KCNV1: variants seen among roughly 807,000 people sequenced by gnomAD.
The protein encoded by KCNV1 is potassium voltage-gated channel subfamily V member 1.
Under a neutral mutation model 36.4 loss-of-function variants are expected in KCNV1, and 2 were observed. The ratio of observed to expected loss-of-function variants is 0.05; its 90% CI spans 0.02 to 0.17. KCNV1 has a LOEUF of 0.17. KCNV1 is among the 10% of genes least tolerant of loss of function. The probability of loss-of-function intolerance (pLI) is 1.00; values close to 1 mark genes in which losing one functional copy is unlikely to be tolerated. For synonymous variants in KCNV1, 280 were observed against 261.1 expected, an observed-to-expected ratio of 1.07 and a Z score of -0.70; for missense variants, 321 against 643.6, an observed-to-expected ratio of 0.50 and a Z score of 5.42.
chr8:109,974,050 G>T lies in KCNV1; in HGVS notation c.339C>A (p.Val113=). 1 of 1,613,382 alleles carries T rather than the reference G, an allele frequency of 6.2e-7. No individual in the cohort carries two copies. The highest frequency in any genetic ancestry group is 8.5e-7 in the Non-Finnish European group (1 of 1,179,904). ...FDRSSQAFRY[V]LHYYRTGRLH... The stretch of plus-strand genomic sequence containing the variant: ...GGCGGCCGGTGCGGTAGTAGTGCAG[G>T]ACATATCGGAACGCCTGCGAGCTGC... The change falls in exon 2 of 4, where the codon GTC becomes GTA. Residue 113 remains valine (V), a synonymous_variant. Transcript: ENST00000524391. This position sits in a 1 kb window ranked among gnomAD's most constrained non-coding sequence, Gnocchi z 6.2.
At chr8:109,971,501 T>C (rs745686825) in intron 3 of KCNV1, among the ~76,000 whole-genome samples, 8 of 152,168 alleles carry the variant, frequency 5.3e-5, no homozygotes, top group Non-Finnish European at 1.0e-4. Flanking sequence ...ATATTGATTA[T>C]AATTTTCACG....
Position 109,974,116 on chromosome 8 carries a change from G to A in KCNV1, c.273C>T (p.Cys91=). The A allele has an allele frequency of 1.9e-6, 3 of 1,612,288 alleles. No individual in the cohort carries two copies. Among genetic ancestry groups the A allele is most frequent in the Non-Finnish European group, 2.5e-6 (3 of 1,179,478 alleles). The part of the protein sequence containing the change: ...LAAVPSPLEL[C]DDANPVDNEY... ...CGTTGTCCACGGGGTTGGCATCGTC[G>A]CAAAGCTCCAGAGGGCTGGGCACGG... Residue 91 remains cysteine (C), a synonymous_variant, in exon 2 of 4, where the codon TGC becomes TGT. Coordinates refer to ENST00000524391, the MANE Select transcript of KCNV1 (RefSeq NM_014379.4). This position sits in a 1 kb window ranked among gnomAD's most constrained non-coding sequence, Gnocchi z 6.2.
At chr8:109,973,885 C>G (rs1400529883) in intron 2 of KCNV1, 43 bp downstream of exon 2, 23 of 1,471,752 alleles carry the variant, frequency 1.6e-5, no homozygotes, top group Non-Finnish European at 2.0e-5. Context: ...CTTTCTCTGC[C>G]GCGCCCGCCT....
At chr8:109,971,158 T>C (rs1469680044) in intron 3 of KCNV1, among the ~76,000 whole-genome samples, 3 of 152,224 alleles carry the variant, frequency 2.0e-5, no homozygotes, top group Non-Finnish European at 4.4e-5. Context: ...TTGTTTGTGC[T>C]AATATGTATT....
intron 3 of KCNV1, among the ~76,000 whole-genome samples, chr8:109,969,995 A>ATAT (rs1819990700): frequency 6.6e-6 from 1 of 152,176 alleles, no homozygotes; most frequent in Non-Finnish European, 1.5e-5. Flanking sequence ...TGTCAAAATG[A>ATAT]TATTGCCCCA....
Position 109,973,999 on chromosome 8 carries a change from C to G in KCNV1, c.390G>C (p.Ala130=), listed in dbSNP as rs148889439. Residue 130 remains alanine, a synonymous_variant, in exon 2 of 4, where the codon GCG becomes GCC. Transcript: ENST00000524391. ...ACTGGATCTCCTGCAGGAAGGAGAGCGCGCACAGCTGCTCCATGACATGCA... is the reference window on the plus strand; with the variant it reads ...ACTGGATCTCCTGCAGGAAGGAGAGGGCGCACAGCTGCTCCATGACATGCA... The part of the protein sequence containing the change: ...GRLHVMEQLC[A]LSFLQEIQYW... 1.9e-6 allele frequency: 3 copies of G among 1,613,352 alleles called. No homozygotes were observed. Among genetic ancestry groups the G allele is most frequent in the Admixed American group, 3.3e-5 (2 of 60,010 alleles).
In KCNV1 at chr8:109,968,224, T is replaced by C. The variant is rs773003074; in HGVS notation, c.1367A>G (p.Lys456Arg). Residue 456 changes from lysine to arginine, a missense_variant, in exon 4 of 4, where the codon AAG becomes AGG. By Grantham distance (26) the Lys-to-Arg change is conservative. Transcript: ENST00000524391. This position sits in a 1 kb window ranked among gnomAD's most constrained non-coding sequence, Gnocchi z 5.3. The stretch of plus-strand genomic sequence containing the variant: ...GATATATGAGTCAGTGGCTATATTC[T>C]TGGTAAGCTTCTTTAGGGCTTCACG... ...RQREALKKLT[K>R]NIATDSYISV... 1 of 1,614,098 alleles carries C rather than the reference T, an allele frequency of 6.2e-7. No homozygotes were observed. The highest frequency in any genetic ancestry group is 8.5e-7 in the Non-Finnish European group (1 of 1,180,054).
In KCNV1 at chr8:109,967,932, T is replaced by G; in HGVS notation, c.*156A>C. ...CACTGTGCAGTTGTTATAGGTGATG[T>G]GAAATATTCTAGTAGATGAAGCAAT... On this transcript the variant is annotated 3_prime_UTR_variant, in exon 4 of 4. Coordinates refer to ENST00000524391, the MANE Select transcript of KCNV1 (RefSeq NM_014379.4). 1.4e-6 allele frequency: 1 copy of G among 708,950 alleles called. No individual in the cohort carries two copies. The highest frequency in any genetic ancestry group is 2.3e-6 in the Non-Finnish European group (1 of 438,408). The allele number at this position is 708,950 out of a possible 1,614,324, so 43.9% of individuals were successfully genotyped here.
At position 109,967,904 on chromosome 8, in the gene KCNV1, G is replaced by T. The variant is rs1039762478; in HGVS notation, c.*184C>A. ...CTATTTTGGACACTCAAATGTGTCA[G>T]AACACTGTGCAGTTGTTATAGGTGA... On this transcript the variant is annotated 3_prime_UTR_variant, in exon 4 of 4. Transcript: ENST00000524391. 1 of 598,440 alleles carries T rather than the reference G, an allele frequency of 1.7e-6. No homozygotes were observed. The highest frequency in any genetic ancestry group is 2.9e-6 in the Non-Finnish European group (1 of 349,756). The allele number at this position is 598,440 out of a possible 1,614,324, so 37.1% of individuals were successfully genotyped here.
rs1163819093 is a variant in KCNV1, at chr8:109,968,853, T to C, written c.992-254A>G. Among the ~76,000 whole-genome samples, 1 of 152,156 alleles carries C rather than the reference T, an allele frequency of 6.6e-6. No individual in the cohort carries two copies. The highest frequency in any genetic ancestry group is 1.5e-5 in the Non-Finnish European group (1 of 68,034). On this transcript the variant is annotated intron_variant, in intron 3 of 3. Transcript: ENST00000524391. This position sits in a 1 kb window ranked among gnomAD's most constrained non-coding sequence, Gnocchi z 5.3. ...ATAATTAGATTCATTAATTCACCTA[T>C]AGAATTATTGAACTTCTACTATTAA...
Position 109,968,241 on chromosome 8 carries a change from G to T in KCNV1, c.1350C>A (p.Ala450=). 6.2e-7 allele frequency: 1 copy of T among 1,614,020 alleles called. No homozygotes were observed. Among genetic ancestry groups the T allele is most frequent in the Non-Finnish European group, 8.5e-7 (1 of 1,180,010 alleles). Residue 450 remains alanine (A), a synonymous_variant, in exon 4 of 4, where the codon GCC becomes GCA. Transcript: ENST00000524391. The surrounding 1 kb of genome is among the most constrained non-coding windows in gnomAD (Gnocchi z 5.3). ...CTATATTCTTGGTAAGCTTCTTTAG[G>T]GCTTCACGCTGTCTAACAGCTGCTT... The part of the protein sequence containing the change: ...LKEAAVRQRE[A]LKKLTKNIAT...
At position 109,967,918 on chromosome 8, in the gene KCNV1, T is replaced by C. The variant is rs1176056560; in HGVS notation, c.*170A>G. The C allele has an allele frequency of 1.5e-6, 1 of 650,640 alleles. No homozygotes were observed. Among genetic ancestry groups the C allele is most frequent in the African/African-American group, 1.8e-5 (1 of 54,788 alleles). The allele number at this position is 650,640 out of a possible 1,614,324, so 40.3% of individuals were successfully genotyped here. A position where few individuals can be genotyped will look rare whatever the true frequency, so the allele number is the denominator to read the frequency against. ...CAAATGTGTCAGAACACTGTGCAGT[T>C]GTTATAGGTGATGTGAAATATTCTA... On this transcript the variant is annotated 3_prime_UTR_variant, in exon 4 of 4. Transcript: ENST00000524391.
chr8:109,970,512 C>T (rs1198573449), intron 3 of KCNV1, among the ~76,000 whole-genome samples: 1 of 152,056 alleles, frequency 6.6e-6, no homozygotes, highest in Non-Finnish European at 1.5e-5. Context: ...GATAGCTTAT[C>T]TAGTAGAAAG....
Position 109,968,406 on chromosome 8 carries a change from A to G in KCNV1, c.1185T>C (p.Tyr395=), listed in dbSNP as rs770730541. 3.7e-6 allele frequency: 6 copies of G among 1,614,056 alleles called. No individual in the cohort carries two copies. The highest frequency in any genetic ancestry group is 5.1e-6 in the Non-Finnish European group (6 of 1,180,028). ...TGGTGGTGTCTGGTCTAATGTCCCC[A>G]TATCCCACAGTAGTCATAGAGGTGG... is the stretch of plus-strand genomic sequence containing the variant. The part of the protein sequence containing the change: ...WATTSMTTVG[Y]GDIRPDTTTG... Residue 395 remains tyrosine, a synonymous_variant, in exon 4 of 4, where the codon TAT becomes TAC. Coordinates refer to ENST00000524391, the MANE Select transcript of KCNV1 (RefSeq NM_014379.4). This position sits in a 1 kb window ranked among gnomAD's most constrained non-coding sequence, Gnocchi z 5.3.
At position 109,972,776 on chromosome 8, in the gene KCNV1, C is replaced by T. The variant is rs758296858; in HGVS notation, c.473G>A (p.Arg158Lys). The T allele has an allele frequency of 1.0e-5, 16 of 1,600,376 alleles. No individual in the cohort carries two copies. The highest frequency in any genetic ancestry group is 1.3e-5 in the Non-Finnish European group (15 of 1,174,990). Reference protein sequence around the residue: ...DSCCRDRYFRRKELSETLDFK... With the variant: ...DSCCRDRYFRKKELSETLDFK... ...GTCTAAAGTTTCACTCAGCTCTTTC[C>T]TTCTGAAGTATCTTTTAGAGAAAAC... The change falls in exon 3 of 4, where the codon AGG becomes AAG. Residue 158 changes from arginine to lysine, a missense_variant. This residue lies in a region of KCNV1 where 141 missense variants were observed against 225.0 expected (regional missense o/e 0.63). Transcript: ENST00000524391. This position sits in a 1 kb window ranked among gnomAD's most constrained non-coding sequence, Gnocchi z 5.2.
chr8:109,973,959 C>A lies in KCNV1; in HGVS notation c.430G>T (p.Glu144Ter). The A allele has an allele frequency of 6.2e-7, 1 of 1,612,368 alleles. No individual in the cohort carries two copies. Among genetic ancestry groups the A allele is most frequent in the Non-Finnish European group, 8.5e-7 (1 of 1,179,668 alleles). ...CTGCAGCAGGAATCGATGCTGAGCTCATCGATGCCCCAGTACTGGATCTCC... is the reference window on the plus strand; with the variant it reads ...CTGCAGCAGGAATCGATGCTGAGCTAATCGATGCCCCAGTACTGGATCTCC... The part of the protein sequence containing the change: ...LQEIQYWGID[E>*]LSIDSCCRDR... The change falls in exon 2 of 4, where the codon GAG becomes TAG. Residue 144 changes from glutamate (E) to a stop codon, truncating the protein, a stop_gained. Transcript: ENST00000524391. LOFTEE classifies it high-confidence loss of function.
At chr8:109,973,857 C>G (rs921170223) in intron 2 of KCNV1, 71 bp downstream of exon 2, 1 of 1,011,278 alleles carries the variant, frequency 9.9e-7, no homozygotes, top group African/African-American at 1.7e-5. Context: ...AGCCTCAAAT[C>G]TACCTGTGCC....
Position 109,972,765 on chromosome 8 carries a change from T to C in KCNV1, c.484A>G (p.Ser162Gly), listed in dbSNP as rs1412400249. 4.4e-6 allele frequency: 7 copies of C among 1,608,954 alleles called. No individual in the cohort carries two copies. Among genetic ancestry groups the C allele is most frequent in the Non-Finnish European group, 5.9e-6 (7 of 1,178,206 alleles). The change falls in exon 3 of 4, where the codon AGT becomes GGT. Residue 162 changes from serine (S) to glycine (G), a missense_variant. Ser to Gly is a moderately conservative substitution (Grantham distance 56, BLOSUM62 0). This residue lies in a region of KCNV1 where 141 missense variants were observed against 225.0 expected (regional missense o/e 0.63). Coordinates refer to ENST00000524391, the MANE Select transcript of KCNV1 (RefSeq NM_014379.4). This position sits in a 1 kb window ranked among gnomAD's most constrained non-coding sequence, Gnocchi z 5.2. ...TCCTTCTTGAAGTCTAAAGTTTCAC[T>C]CAGCTCTTTCCTTCTGAAGTATCTT... The part of the protein sequence containing the change: ...RDRYFRRKEL[S>G]ETLDFKKDTE...
chr8:109,972,346 C>T lies in KCNV1; in HGVS notation c.903G>A (p.Thr301=), dbSNP rs768538149. The change falls in exon 3 of 4, where the codon ACG becomes ACA. Residue 301 remains threonine, a synonymous_variant. Coordinates refer to ENST00000524391, the MANE Select transcript of KCNV1 (RefSeq NM_014379.4). This position sits in a 1 kb window ranked among gnomAD's most constrained non-coding sequence, Gnocchi z 5.2. ...TGCGCCCCACGTTCTCCAGCTCCTG[C>T]GTGGTCTGGCTCCCACTTAGGCTCT... The part of the protein sequence containing the change: ...LVESLSGSQT[T]QELENVGRIV... 20 of 1,614,126 alleles carry T rather than the reference C, an allele frequency of 1.2e-5. No homozygotes were observed. The highest frequency in any genetic ancestry group is 1.6e-5 in the Non-Finnish European group (19 of 1,180,004).
Sources: allele counts gnomAD v4.1 joint callset (sites outside exome capture counted in the v4.1 genomes callset), GRCh38; gene constraint gnomAD v4.1.1; regional missense constraint gnomAD v4.1.1; non-coding constraint Gnocchi (gnomAD v3.1); transcripts MANE v1.5; gene names NCBI Gene and HGNC (gene_info 2026-07-23, HGNC 2026-07-21).